The following MAK variants were observed in gnomAD, a reference collection of about 807,000 sequenced individuals.
The protein encoded by MAK is serine/threonine-protein kinase MAK.
In MAK, 65 loss-of-function variants were observed where a neutral mutation model predicts 82.6. That is an observed-to-expected ratio of 0.79 (90% CI 0.64 to 0.97). MAK has a LOEUF of 0.97. Among genes scored for constraint, MAK ranks in the 50% least tolerant of loss-of-function variants. MAK has a pLI of 0.00. For missense variants in MAK, 703 were observed against 780.2 expected (o/e 0.90, Z 1.18); for synonymous variants, 250 against 274.2 (o/e 0.91, Z 0.87).
intron 5 of MAK, among the ~76,000 whole-genome samples, chr6:10,809,707 G>A (rs939317645): frequency 1.9e-4 from 29 of 152,172 alleles, no homozygotes; most frequent in East Asian, 9.6e-4. Context: ...TAGCTGTGTC[G>A]TTGCAAAATC....
At chr6:10,765,440 ATTTTTTTT>A (rs200536068) in intron 14 of MAK, among the ~76,000 whole-genome samples, 1,583 of 130,202 alleles carry the variant, frequency 0.012, 32 homozygotes, top group African/African-American at 0.05. Flanking sequence ...TAGAATGAAG[ATTTTTTTT>A]TTTTTTTTTT....
intron 6 of MAK, among the ~76,000 whole-genome samples, chr6:10,807,407 A>G (rs907320157): frequency 5.8e-5 from 8 of 136,826 alleles, no homozygotes; most frequent in Admixed American, 1.6e-4. Flanking sequence ...CAGTGGCGCA[A>G]TCTCGGCTCA....
chr6:10,781,001 C>A (rs897382734), intron 11 of MAK, among the ~76,000 whole-genome samples: 23 of 152,148 alleles, frequency 1.5e-4, no homozygotes, highest in Non-Finnish European at 3.1e-4. Context: ...GATCCCAACT[C>A]CTCTCCCACC....
At chr6:10,802,457 C>CGAG in intron 7 of MAK, 2 of 174,024 alleles carry the variant, frequency 1.1e-5, no homozygotes, top group South Asian at 2.6e-4. Context: ...AGGTGCGCAC[C>CGAG]ATCACACCTG....
At chr6:10,809,597 T>A (rs1219005066) in intron 5 of MAK, among the ~76,000 whole-genome samples, 1 of 152,120 alleles carries the variant, frequency 6.6e-6, no homozygotes, top group African/African-American at 2.4e-5. Flanking sequence ...TTGAGAAAAA[T>A]CACTTGTTTA....
At chr6:10,822,124 G>A in intron 2 of MAK, among the ~76,000 whole-genome samples, 1 of 134,718 alleles carries the variant, frequency 7.4e-6, no homozygotes, top group Admixed American at 8.1e-5. Flanking sequence ...TCCAGCCTGG[G>A]CAACAGAGCG....
At chr6:10,779,127 C>CA (rs918122203) in intron 11 of MAK, among the ~76,000 whole-genome samples, 1,654 of 19,890 alleles carry the variant, frequency 0.083, 223 homozygotes, top group East Asian at 0.12. Flanking sequence ...CACTTCGTCT[C>CA]AAAAAAAAAA....
chr6:10,835,415 A>G (rs1188611765), intron 1 of MAK, among the ~76,000 whole-genome samples: 4 of 152,168 alleles, frequency 2.6e-5, no homozygotes, highest in Non-Finnish European at 4.4e-5. Context: ...GCGTGCCACC[A>G]TGCCCGGCTA....
At chr6:10,835,407 G>A (rs994230577) in intron 1 of MAK, among the ~76,000 whole-genome samples, 7 of 152,102 alleles carry the variant, frequency 4.6e-5, no homozygotes, top group African/African-American at 1.7e-4. Context: ...TTACAGGCGC[G>A]TGCCACCATG....
rs57742007 is a variant in MAK at position 10,836,921 on chromosome 6, T to G, written c.-230+1582A>C. Among the ~76,000 whole-genome samples the G allele has an allele frequency of 2.5e-4, 38 of 152,352 alleles. No homozygotes were observed. The East Asian group carries it at 6.4e-3, about 25-fold the overall frequency. On this transcript the variant is annotated intron_variant, in intron 1 of 14. Coordinates refer to ENST00000354489, the MANE Select transcript of MAK (RefSeq NM_001242957.3). Reference sequence around the variant, plus strand: ...AATACCCTTATAATTTATCTCTCATTCTAGTTTTCAACTTTTTAATCTAAG... The same window carrying G: ...AATACCCTTATAATTTATCTCTCATGCTAGTTTTCAACTTTTTAATCTAAG...
chr6:10,785,415 T>G (rs1174465398), intron 10 of MAK, among the ~76,000 whole-genome samples: 2 of 152,220 alleles, frequency 1.3e-5, no homozygotes, highest in Non-Finnish European at 2.9e-5. Context: ...CTGAATATAC[T>G]GCCCAATTTC....
chr6:10,813,130 ATATAAATTTTT>A (rs1777163936), intron 5 of MAK, among the ~76,000 whole-genome samples: 1 of 770 alleles, frequency 1.3e-3, no homozygotes, highest in Non-Finnish European at 2.6e-3. Flanking sequence ...ATATATATAT[ATATAAATTTTT>A]TTTTTTTTTT....
intron 10 of MAK, among the ~76,000 whole-genome samples, chr6:10,787,304 C>T (rs1026964602): frequency 1.3e-5 from 2 of 152,220 alleles, no homozygotes; most frequent in African/African-American, 2.4e-5. Flanking sequence ...ACCAATTCAG[C>T]TCCTATTGCT....
Position 10,774,349 on chromosome 6 carries a change from C to G in MAK, c.1597+979G>C, listed in dbSNP as rs1773286601. On this transcript the variant is annotated intron_variant, in intron 12 of 14. Transcript: ENST00000354489. ...ACGAAAATTAAGTTTTTTGCAAACA[C>G]ATCTCTTAATGAGAAAGGTGGGGTT... Among the ~76,000 whole-genome samples the G allele has an allele frequency of 2.0e-5, 3 of 152,076 alleles. No homozygotes were observed. In the South Asian group the frequency reaches 6.2e-4, roughly 32 times the overall value.
At chr6:10,822,004 A>G (rs190577449) in intron 2 of MAK, among the ~76,000 whole-genome samples, 1,714 of 143,906 alleles carry the variant, frequency 0.012, 30 homozygotes, top group African/African-American at 0.04. Context: ...AAAATTAGCC[A>G]GGCGTGGTGG....
chr6:10,826,870 G>T (rs1179646854), intron 2 of MAK, among the ~76,000 whole-genome samples: 7 of 152,160 alleles, frequency 4.6e-5, no homozygotes, highest in Non-Finnish European at 1.0e-4. Context: ...CCAGCACTTT[G>T]GGAGGCTGAG....
intron 8 of MAK, among the ~76,000 whole-genome samples, chr6:10,798,189 C>A (rs905921759): frequency 7.0e-6 from 1 of 142,448 alleles, no homozygotes; most frequent in Non-Finnish European, 1.5e-5. Flanking sequence ...ACGATCTTGG[C>A]TCACTGCATC....
At chr6:10,778,014 A>G (rs185451344) in intron 11 of MAK, among the ~76,000 whole-genome samples, 1 of 152,318 alleles carries the variant, frequency 6.6e-6, no homozygotes, top group East Asian at 1.9e-4. Flanking sequence ...TTATTTGTTT[A>G]TAAGTTTTCA....
chr6:10,803,842 T>C lies in MAK; in HGVS notation c.541A>G (p.Ile181Val), dbSNP rs747216229. 9 of 1,613,866 alleles carry C rather than the reference T, an allele frequency of 5.6e-6. No homozygotes were observed. Among genetic ancestry groups the C allele is most frequent in the African/African-American group, 4.0e-5 (3 of 74,884 alleles). The change falls in exon 7 of 15, where the codon ATT becomes GTT. Residue 181 changes from isoleucine to valine, a missense_variant. Physicochemically the swap from Ile to Val is conservative, Grantham distance 29 (BLOSUM62 3). Transcript: ENST00000354489. ...LLRSSVYSSP[I>V]DVWAVGSIMA... ...ATACTTCCAACAGCCCACACATCAA[T>C]GGGAGAACTATAAACTGAAGATCTC... is the stretch of plus-strand genomic sequence containing the variant.
Sources: gnomAD v4.1 joint callset for allele counts (sites outside exome capture counted in the v4.1 genomes callset) on GRCh38, gnomAD v4.1.1 for gene constraint, MANE v1.5 for transcripts, NCBI Gene and HGNC (gene_info 2026-07-23, HGNC 2026-07-21) for gene names.